RBFOX1: variants seen among roughly 807,000 people sequenced by gnomAD.
The protein encoded by RBFOX1 is RNA binding protein fox-1 homolog 1.
A neutral mutation model predicts 57.7 loss-of-function variants in RBFOX1; 8 were observed. The ratio of observed to expected loss-of-function variants is 0.14; its 90% CI spans 0.08 to 0.25. The LOEUF is 0.25. RBFOX1 is among the 10% of genes least tolerant of loss of function. RBFOX1 has a pLI of 1.00. For synonymous variants in RBFOX1, 326 were observed against 222.4 expected, an observed-to-expected ratio of 1.47 and a Z score of -4.15; for missense variants, 611 against 548.5, an observed-to-expected ratio of 1.11 and a Z score of -1.14.
chr16:7,674,613 C>T (rs1437456462), intron 13 of RBFOX1, among the ~76,000 whole-genome samples: 3 of 152,136 alleles, frequency 2.0e-5, no homozygotes, highest in Non-Finnish European at 4.4e-5. Context: ...ACGACTTGTG[C>T]CCGTCTTGTC....
chr16:6,908,863 T>G (rs555282662), intron 3 of RBFOX1, among the ~76,000 whole-genome samples: 1 of 152,252 alleles, frequency 6.6e-6, no homozygotes, highest in South Asian at 2.1e-4. Flanking sequence ...ACTAAATTAG[T>G]TTATATAATA....
At chr16:6,082,914 T>A (rs1483634158) in intron 1 of RBFOX1, among the ~76,000 whole-genome samples, 1 of 152,164 alleles carries the variant, frequency 6.6e-6, no homozygotes, top group Non-Finnish European at 1.5e-5. Context: ...GCACCCCTGC[T>A]CTACAGACTC....
chr16:5,376,666 T>C (rs1223437647), intron 1 of RBFOX1, among the ~76,000 whole-genome samples: 4 of 151,886 alleles, frequency 2.6e-5, no homozygotes, highest in Non-Finnish European at 4.4e-5. Context: ...GCGTGGCACA[T>C]GCTGCGGGTA....
At chr16:6,817,041 C>G (rs918010294) in intron 3 of RBFOX1, among the ~76,000 whole-genome samples, 1 of 152,138 alleles carries the variant, frequency 6.6e-6, no homozygotes, top group African/African-American at 2.4e-5. Context: ...AGTCACCATG[C>G]TCAGCCTCTT....
chr16:5,412,834 T>C (rs1033699440), intron 1 of RBFOX1, among the ~76,000 whole-genome samples: 1 of 149,320 alleles, frequency 6.7e-6, no homozygotes, highest in Non-Finnish European at 1.5e-5. Flanking sequence ...GGGCTTCACA[T>C]TTTTGGGAAG....
intron 4 of RBFOX1, among the ~76,000 whole-genome samples, chr16:7,162,567 T>TAAAA (rs1176692946): frequency 0.037 from 3,931 of 107,648 alleles, 89 homozygotes; most frequent in South Asian, 0.097. Flanking sequence ...CTGTCTCTAC[T>TAAAA]AAAAAAAAAA....
chr16:6,120,826 C>A (rs1370883657), intron 1 of RBFOX1, among the ~76,000 whole-genome samples: 1 of 152,078 alleles, frequency 6.6e-6, no homozygotes, highest in Non-Finnish European at 1.5e-5. Context: ...CACTGCAGCC[C>A]CTCACTCTCT....
At chr16:5,716,400 C>T (rs1045042482) in intron 3 of RBFOX1, among the ~76,000 whole-genome samples, 1 of 152,196 alleles carries the variant, frequency 6.6e-6, no homozygotes, top group African/African-American at 2.4e-5. Context: ...CCTCCTCTCA[C>T]CTTCCACCCT....
rs73518021 is a variant in RBFOX1, at chr16:5,706,977, C to T, written c.318+108016C>T. ...TTTTCAGCAGGGAGAAGAAGCCAAG[C>T]GTCCTGCGTAAAAGCAATTATTTGT... is the stretch of plus-strand genomic sequence containing the variant. On this transcript the variant is annotated intron_variant, in intron 3 of 19. Transcript: ENST00000641259. 8.6e-3 allele frequency among the ~76,000 whole-genome samples: 1,302 copies of T among 152,240 alleles called. 25 individuals carry two copies. The highest frequency in any genetic ancestry group is 0.029 in the African/African-American group (1,222 of 41,534).
chr16:6,636,361 G>A (rs1477510790), intron 2 of RBFOX1, among the ~76,000 whole-genome samples: 1 of 152,002 alleles, frequency 6.6e-6, no homozygotes, highest in African/African-American at 2.4e-5. Context: ...CAGTAGAGAT[G>A]GGGTTTCATG....
rs1597800465 is a variant in RBFOX1 at position 5,921,572 on chromosome 16, T to C, written c.351+54237T>C. 5.9e-5 allele frequency among the ~76,000 whole-genome samples: 9 copies of C among 152,276 alleles called. 1 individual carries two copies. The South Asian group carries it at 1.9e-3, about 32-fold the overall frequency. ...AAGACTATTGATAATAGCAACTATT[T>C]CTGGAAAGGTAATGAAGGGGATGAG... On this transcript the variant is annotated intron_variant, in intron 4 of 19. Coordinates refer to the RBFOX1 transcript ENST00000641259.
intron 4 of RBFOX1, among the ~76,000 whole-genome samples, chr16:7,192,075 G>A (rs191163003): frequency 1.2e-4 from 18 of 152,106 alleles, no homozygotes; most frequent in African/African-American, 7.2e-5. Flanking sequence ...AGAATTCTAC[G>A]AGCTGTTTTC....
intron 4 of RBFOX1, among the ~76,000 whole-genome samples, chr16:7,502,489 G>C (rs1055938920): frequency 6.6e-6 from 1 of 152,186 alleles, no homozygotes; most frequent in Non-Finnish European, 1.5e-5. Context: ...CCATTGGGTT[G>C]TTTAGACTAT....
intron 10 of RBFOX1, among the ~76,000 whole-genome samples, chr16:7,623,814 T>C (rs2059674329): frequency 6.6e-6 from 1 of 152,310 alleles, no homozygotes. Context: ...CCATCTTTTC[T>C]CTGTCTTCAC....
chr16:7,429,497 A>G (rs2149543586), intron 4 of RBFOX1, among the ~76,000 whole-genome samples: 1 of 152,324 alleles, frequency 6.6e-6, no homozygotes, highest in East Asian at 1.9e-4. Flanking sequence ...AGCTGTCTGC[A>G]ATGATATTAC....
chr16:5,679,283 A>C (rs1244085465), intron 3 of RBFOX1, among the ~76,000 whole-genome samples: 1 of 152,106 alleles, frequency 6.6e-6, no homozygotes, highest in Admixed American at 6.5e-5. Flanking sequence ...ATAATATGCT[A>C]AAGTCATGCT....
intron 2 of RBFOX1, among the ~76,000 whole-genome samples, chr16:6,496,132 G>C (rs536985186): frequency 6.6e-6 from 1 of 151,784 alleles, no homozygotes; most frequent in Non-Finnish European, 1.5e-5. Flanking sequence ...AACGGTCAGG[G>C]GAATTTGGAA....
Position 6,388,186 on chromosome 16 carries a change from T to A in RBFOX1, c.-64+71129T>A, listed in dbSNP as rs1384828390. Among the ~76,000 whole-genome samples, 3 of 152,052 alleles carry A rather than the reference T, an allele frequency of 2.0e-5. No individual in the cohort carries two copies. The East Asian group carries it at 5.8e-4, about 29-fold the overall frequency. On this transcript the variant is annotated intron_variant, in intron 2 of 15. Coordinates refer to ENST00000550418, the MANE Select transcript of RBFOX1 (RefSeq NM_018723.4). Reference sequence around the variant, plus strand: ...TTTCACCTTGTTAACCAGGATGGTCTTGAACTCCTGACCTTGTGATCCACC... The same window carrying A: ...TTTCACCTTGTTAACCAGGATGGTCATGAACTCCTGACCTTGTGATCCACC...
At chr16:5,895,537 C>T (rs894587255) in intron 4 of RBFOX1, among the ~76,000 whole-genome samples, 4 of 152,208 alleles carry the variant, frequency 2.6e-5, no homozygotes, top group Non-Finnish European at 4.4e-5. Flanking sequence ...ACTTGGCAGC[C>T]TGATCTTTAT....
Sources: allele counts gnomAD v4.1 joint callset (sites outside exome capture counted in the v4.1 genomes callset), GRCh38; gene constraint gnomAD v4.1.1; transcripts MANE v1.5; gene names NCBI Gene and HGNC (gene_info 2026-07-23, HGNC 2026-07-21).